Variants in KYNU observed in about 807,000 individuals in gnomAD.
The protein encoded by KYNU is kynureninase, also known as L-kynurenine hydrolase.
In KYNU, 54 loss-of-function variants were observed where a neutral mutation model predicts 59.2. The observed-to-expected ratio is 0.91, with a 90% confidence interval of 0.73 to 1.14. The LOEUF (loss-of-function observed/expected upper bound fraction) is 1.14. Among genes scored for constraint, KYNU ranks in the 50% most tolerant of loss-of-function variants. The pLI, the probability that KYNU is intolerant of heterozygous loss-of-function variation, is 0.00. For missense variants in KYNU, 567 were observed against 554.4 expected (o/e 1.02, Z -0.23); for synonymous variants, 177 against 192.0 (o/e 0.92, Z 0.65).
chr2:142,972,853 A>G (rs1684772645), intron 8 of KYNU, among the ~76,000 whole-genome samples: 1 of 149,346 alleles, frequency 6.7e-6, no homozygotes, highest in Non-Finnish European at 1.5e-5. Flanking sequence ...GACTACAGAG[A>G]TGAGGTCTCT....
intron 2 of KYNU, among the ~76,000 whole-genome samples, chr2:142,914,062 A>G (rs1307505223): frequency 6.6e-6 from 1 of 152,188 alleles, no homozygotes; most frequent in Non-Finnish European, 1.5e-5. Flanking sequence ...TCAGGGATCC[A>G]AGGCCTGTGC....
rs747383230 is a variant in KYNU at position 143,029,674 on chromosome 2, A to G, written c.950A>G (p.Asp317Gly). 11 of 1,534,960 alleles carry G rather than the reference A, an allele frequency of 7.2e-6. No homozygotes were observed. In the South Asian group the frequency reaches 1.2e-4, roughly 17 times the overall value. Residue 317 changes from aspartate (D) to glycine (G), a missense_variant, in exon 11 of 14, where the codon GAT becomes GGT. Coordinates refer to ENST00000264170, the MANE Select transcript of KYNU (RefSeq NM_003937.3). Reference protein sequence around the residue: ...GHELSTRFKMDNKLQLIPGVC... With the variant: ...GHELSTRFKMGNKLQLIPGVC... Reference sequence around the variant, plus strand: ...GAACTCAGCACCAGATTTAAGATGGATAACAGTAAGTGTATTTATTTTACC... The same window carrying G: ...GAACTCAGCACCAGATTTAAGATGGGTAACAGTAAGTGTATTTATTTTACC...
intron 6 of KYNU, 37 bp from the exon 7 acceptor site, chr2:142,957,603 CA>C: frequency 9.7e-6 from 12 of 1,233,984 alleles, no homozygotes; most frequent in Non-Finnish European, 1.4e-5. Flanking sequence ...TCTGTGCTCT[CA>C]GCTTGATTTG....
chr2:142,921,153 C>T (rs1682869247), intron 3 of KYNU, among the ~76,000 whole-genome samples: 1 of 152,102 alleles, frequency 6.6e-6, no homozygotes, highest in Admixed American at 6.5e-5. Context: ...GGTTTATATA[C>T]CAGCTTGACT....
At chr2:142,997,968 GTCTTTATGA>G (rs1256580089) in intron 10 of KYNU, among the ~76,000 whole-genome samples, 2 of 152,090 alleles carry the variant, frequency 1.3e-5, no homozygotes, top group Non-Finnish European at 2.9e-5. Flanking sequence ...CTTCAAAGAT[GTCTTTATGA>G]TAAGCGATGC....
intron 3 of KYNU, among the ~76,000 whole-genome samples, chr2:142,925,886 T>A (rs1683033148): frequency 6.6e-6 from 1 of 152,224 alleles, no homozygotes; most frequent in African/African-American, 2.4e-5. Context: ...TTCCTTTCTT[T>A]CAAGATGACA....
In KYNU at chr2:143,001,985, C is replaced by T. The variant is rs76537905; in HGVS notation, c.902+15964C>T. 1.4e-4 allele frequency among the ~76,000 whole-genome samples: 22 copies of T among 152,176 alleles called. 1 individual carries two copies. The highest frequency in any genetic ancestry group is 4.2e-4 in the South Asian group (2 of 4,812). On this transcript the variant is annotated intron_variant, in intron 10 of 13. Transcript: ENST00000264170. ...TGGCACAGGAGCCAATAATTTGATT[C>T]GCCAGGCCATTCTTAAATGTTCTAT...
intron 3 of KYNU, among the ~76,000 whole-genome samples, chr2:142,918,958 T>C (rs1280354837): frequency 1.3e-5 from 2 of 152,256 alleles, no homozygotes; most frequent in Non-Finnish European, 1.5e-5. Context: ...GCCTATGCCA[T>C]ATACTTTAAA....
At chr2:143,006,662 C>G (rs1451787736) in intron 10 of KYNU, among the ~76,000 whole-genome samples, 2 of 150,620 alleles carry the variant, frequency 1.3e-5, no homozygotes, top group Non-Finnish European at 3.0e-5. Context: ...CCCTGTCTGA[C>G]AGCTTTGAAG....
intron 2 of KYNU, among the ~76,000 whole-genome samples, chr2:142,916,856 G>A (rs1401448243): frequency 6.6e-6 from 1 of 152,174 alleles, no homozygotes; most frequent in East Asian, 1.9e-4. Context: ...TTTACTAACA[G>A]GACATGTGTT....
chr2:143,040,236 A>G (rs1212068592), intron 12 of KYNU, among the ~76,000 whole-genome samples, 192 bp from the exon 13 acceptor site: 1 of 152,028 alleles, frequency 6.6e-6, no homozygotes, highest in East Asian at 1.9e-4. Context: ...TGTCATGGAA[A>G]TTTTACCTTC....
Position 143,029,610 on chromosome 2 carries a change from T to A in KYNU, c.903-17T>A. The A allele has an allele frequency of 6.3e-7, 1 of 1,578,664 alleles. No homozygotes were observed. Among genetic ancestry groups the A allele is most frequent in the Non-Finnish European group, 8.7e-7 (1 of 1,147,722 alleles). On this transcript the variant is annotated splice_polypyrimidine_tract_variant and intron_variant, in intron 10 of 13. Transcript: ENST00000264170. Reference sequence around the variant, plus strand: ...AAAAAAACCCCCAAAAACCTAATGTTTTTATTTATATTTTAGATTAGTGGG... The same window carrying A: ...AAAAAAACCCCCAAAAACCTAATGTATTTATTTATATTTTAGATTAGTGGG...
intron 4 of KYNU, among the ~76,000 whole-genome samples, chr2:142,931,756 C>A (rs1683226948): frequency 6.6e-6 from 1 of 152,090 alleles, no homozygotes; most frequent in South Asian, 2.1e-4. Flanking sequence ...TTAGTTTTTT[C>A]AACTTTGCCT....
intron 4 of KYNU, among the ~76,000 whole-genome samples, chr2:142,933,434 G>A (rs935193649): frequency 6.6e-6 from 1 of 152,126 alleles, no homozygotes; most frequent in Non-Finnish European, 1.5e-5. Flanking sequence ...TGGTATAATG[G>A]TTTGGCAAGT....
chr2:142,988,861 A>G (rs756898712), intron 10 of KYNU: 17 of 1,607,948 alleles, frequency 1.1e-5, no homozygotes, highest in Non-Finnish European at 1.4e-5. Flanking sequence ...GGAGTTCTTT[A>G]ATTAGGAATG....
At chr2:142,878,824 AT>A (rs1328464389) in intron 1 of KYNU, among the ~76,000 whole-genome samples, 1 of 152,236 alleles carries the variant, frequency 6.6e-6, no homozygotes, top group African/African-American at 2.4e-5. Context: ...ATTTAAAAAA[AT>A]ATTACAAACT....
chr2:142,904,673 T>A (rs1682223405), intron 2 of KYNU, among the ~76,000 whole-genome samples: 1 of 152,162 alleles, frequency 6.6e-6, no homozygotes, highest in African/African-American at 2.4e-5. Context: ...AAGGCCGAAT[T>A]CTCCAGAATA....
At chr2:142,983,543 A>G (rs1462781789) in intron 8 of KYNU, among the ~76,000 whole-genome samples, 1 of 152,052 alleles carries the variant, frequency 6.6e-6, no homozygotes, top group South Asian at 2.1e-4. Flanking sequence ...AAATATGCAC[A>G]TGATGTGGGA....
chr2:142,953,267 A>G (rs1684053015), intron 4 of KYNU, among the ~76,000 whole-genome samples: 1 of 152,228 alleles, frequency 6.6e-6, no homozygotes, highest in Admixed American at 6.5e-5. Context: ...AAACATAGGG[A>G]AGGATTATGT....
Sources: allele counts gnomAD v4.1 joint callset (sites outside exome capture counted in the v4.1 genomes callset), GRCh38; gene constraint gnomAD v4.1.1; transcripts MANE v1.5; gene names NCBI Gene and HGNC (gene_info 2026-07-23, HGNC 2026-07-21).